RALGDS: variants seen among roughly 807,000 people sequenced by gnomAD.
RALGDS encodes ral guanine nucleotide dissociation stimulator, also known as ral guanine nucleotide exchange factor.
Under a neutral mutation model 99.8 loss-of-function variants are expected in RALGDS, and 44 were observed. The observed-to-expected ratio is 0.44, with a 90% CI of 0.35 to 0.57. The LOEUF (loss-of-function observed/expected upper bound fraction) is 0.57, where lower values mean the gene tolerates loss of function less well. Among genes scored for constraint, RALGDS ranks in the 20% least tolerant of loss-of-function variants. The pLI is 0.01. For synonymous variants in RALGDS, 529 were observed against 505.0 expected, an observed-to-expected ratio of 1.05 and a Z score of -0.64; for missense variants, 1,022 against 1,203.1, an observed-to-expected ratio of 0.85 and a Z score of 2.23.
At chr9:133,110,035 G>T (rs1831266760) in intron 3 of RALGDS, among the ~76,000 whole-genome samples, 1 of 152,144 alleles carries the variant, frequency 6.6e-6, no homozygotes, top group South Asian at 2.1e-4. Context: ...TCCCCATGGG[G>T]GACAGGAAAA....
intron 1 of RALGDS, among the ~76,000 whole-genome samples, chr9:133,129,681 G>A (rs747248189): frequency 2.6e-5 from 4 of 152,168 alleles, no homozygotes; most frequent in Non-Finnish European, 5.9e-5. Context: ...GCCACCAGGC[G>A]GATGTGAGTC....
intron 1 of RALGDS, among the ~76,000 whole-genome samples, chr9:133,137,401 T>C (rs1425805300): frequency 6.6e-6 from 1 of 152,192 alleles, no homozygotes; most frequent in Non-Finnish European, 1.5e-5. Flanking sequence ...ACAAGTGAGC[T>C]CGATGGGCCA....
rs1431589918 is a variant in RALGDS at position 133,098,685 on chromosome 9, G to A, written c.2647C>T (p.Arg883Trp). ...TANYDFVLKK[R>W]TFTKGVKVKH... is the part of the protein sequence containing the mutation. ...ACCTTCACTCCCTTGGTGAAGGTCC[G>A]CTTCTTGAGGACAAAGTCATAGTTG... Residue 883 changes from arginine to tryptophan, a missense_variant, in exon 18 of 18, where the codon CGG becomes TGG. Arg to Trp is a moderately radical substitution (Grantham distance 101). Around this residue, in one of 3 missense-constraint regions of RALGDS, gnomAD observed 825 missense variants for 994.5 expected, o/e 0.83. Coordinates refer to ENST00000372050, the MANE Select transcript of RALGDS (RefSeq NM_006266.4). 9 of 1,614,044 alleles carry A rather than the reference G, an allele frequency of 5.6e-6. No individual in the cohort carries two copies. Among genetic ancestry groups the A allele is most frequent in the Non-Finnish European group, 6.8e-6 (8 of 1,179,928 alleles).
intron 1 of RALGDS, among the ~76,000 whole-genome samples, chr9:133,139,338 C>T (rs1832480543): frequency 6.6e-6 from 1 of 152,224 alleles, no homozygotes; most frequent in South Asian, 2.1e-4. Flanking sequence ...TCCCCGACCC[C>T]AGAAGCTGGG....
intron 17 of RALGDS, chr9:133,100,031 C>T (rs1430949001): frequency 5.1e-6 from 3 of 588,608 alleles, no homozygotes; most frequent in African/African-American, 1.9e-5. Context: ...TCTCTTTGCT[C>T]CTCACTGATG....
intron 1 of RALGDS, among the ~76,000 whole-genome samples, chr9:133,147,996 C>T (rs896782485): frequency 6.6e-6 from 1 of 152,324 alleles, no homozygotes; most frequent in Admixed American, 6.5e-5. Context: ...TCTTGTCCCA[C>T]AAGAGTTGTC....
chr9:133,107,202 G>A lies in RALGDS; in HGVS notation c.1296C>T (p.Ala432=), dbSNP rs1273435043. The part of the protein sequence containing the change: ...GKEHLAPTIR[A]TVTQFNSVAN... ...CCACACTGTTGAACTGGGTGACAGT[G>A]GCGCGGATGGTGGGCGCCAGGTGCT... The change falls in exon 7 of 18, where the codon GCC becomes GCT. Residue 432 remains alanine, a synonymous_variant. Coordinates refer to ENST00000372050, the MANE Select transcript of RALGDS (RefSeq NM_006266.4). 5 of 1,613,756 alleles carry A rather than the reference G, an allele frequency of 3.1e-6. No homozygotes were observed. In the Admixed American group the frequency reaches 5.0e-5, roughly 16 times the overall value.
intron 8 of RALGDS, among the ~76,000 whole-genome samples, 196 bp from the exon 9 acceptor site, chr9:133,106,212 C>G (rs1292206537): frequency 6.6e-6 from 1 of 151,874 alleles, no homozygotes; most frequent in Non-Finnish European, 1.5e-5. Context: ...TTCCCGTTTC[C>G]ACTGAGCAGC....
chr9:133,134,293 C>A (rs141431796), upstream of RALGDS, among the ~76,000 whole-genome samples: 45 of 152,354 alleles, frequency 3.0e-4, 1 homozygote, highest in East Asian at 8.5e-3. Flanking sequence ...TGTCACTGTG[C>A]AGCCCAGAGG....
At chr9:133,109,411 C>T (rs1831229180) in intron 4 of RALGDS, among the ~76,000 whole-genome samples, 1 of 152,176 alleles carries the variant, frequency 6.6e-6, no homozygotes, top group African/African-American at 2.4e-5. Flanking sequence ...CGGGGGCTGC[C>T]CCGAGCCCCA....
At chr9:133,132,240 A>G (rs1340692278), upstream of RALGDS, among the ~76,000 whole-genome samples, 1 of 152,208 alleles carries the variant, frequency 6.6e-6, no homozygotes, top group African/African-American at 2.4e-5. Flanking sequence ...CGAAGAGGTC[A>G]CTGTCTGGGT....
At chr9:133,123,086 AG>A (rs1276264361), upstream of RALGDS, among the ~76,000 whole-genome samples, 13 of 152,076 alleles carry the variant, frequency 8.5e-5, no homozygotes, top group Non-Finnish European at 1.9e-4. Context: ...GAAGCCTCCA[AG>A]CCGTTTGGCC....
At position 133,144,375 on chromosome 9, in the gene RALGDS, ACCT is replaced by A. The variant is rs1334438373; in HGVS notation, c.18+4585_18+4587del. Among the ~76,000 whole-genome samples, 3 of 148,510 alleles carry A rather than the reference ACCT, an allele frequency of 2.0e-5. No homozygotes were observed. Among genetic ancestry groups the A allele is most frequent in the Admixed American group, 2.0e-4 (3 of 14,998 alleles). ...CATGGTCCTCCTCGCCACCCCTGTC[ACCT>A]CCTCCTCCGCCCCCCGCCGGCCTCC... On this transcript the variant is annotated intron_variant, in intron 1 of 17. Transcript: ENST00000393160. This position sits in a 1 kb window ranked among gnomAD's most constrained non-coding sequence, Gnocchi z 4.5.
intron 1 of RALGDS, among the ~76,000 whole-genome samples, chr9:133,138,153 G>A (rs917073526): frequency 5.3e-5 from 8 of 152,330 alleles, no homozygotes; most frequent in Admixed American, 5.2e-4. Context: ...GAGGGCACAG[G>A]GCCTTGGCTG....
intron 9 of RALGDS, 112 bp from the exon 10 acceptor site, chr9:133,104,443 C>T: frequency 2.0e-6 from 2 of 986,218 alleles, no homozygotes; most frequent in Non-Finnish European, 1.6e-6. Flanking sequence ...TGTATCAATA[C>T]TCACTAGTGT....
Position 133,108,191 on chromosome 9 carries a change from C to G in RALGDS, c.994G>C (p.Ala332Pro). 2 of 1,613,532 alleles carry G rather than the reference C, an allele frequency of 1.2e-6. No individual in the cohort carries two copies. Among genetic ancestry groups the G allele is most frequent in the Non-Finnish European group, 1.7e-6 (2 of 1,179,998 alleles). The change falls in exon 6 of 18, where the codon GCT becomes CCT. Residue 332 changes from alanine to proline, a missense_variant. Transcript: ENST00000372050. ...TCTGGAGCTGGCTCTAGTTCCAGAGCTGGCGCTGGAGCCGATTCTAGTCCC... is the reference window on the plus strand; with the variant it reads ...TCTGGAGCTGGCTCTAGTTCCAGAGGTGGCGCTGGAGCCGATTCTAGTCCC... ...AVGLESAPAP[A>P]LELEPAPEQD...
intron 8 of RALGDS, among the ~76,000 whole-genome samples, chr9:133,106,419 A>T (rs1413563371): frequency 8.5e-5 from 13 of 152,128 alleles, no homozygotes; most frequent in Non-Finnish European, 1.9e-4. Context: ...CAATTGGATG[A>T]GGGTTCTGTG....
intron 1 of RALGDS, among the ~76,000 whole-genome samples, chr9:133,117,809 C>T (rs1283499869): frequency 6.6e-6 from 1 of 152,252 alleles, no homozygotes; most frequent in Non-Finnish European, 1.5e-5. Context: ...GGGAACCAGT[C>T]CTTGACTGCC....
intron 17 of RALGDS, 115 bp downstream of exon 17, chr9:133,100,153 A>G (rs1361847672): frequency 2.1e-6 from 2 of 965,918 alleles, no homozygotes; most frequent in Admixed American, 1.7e-5. Flanking sequence ...CCCTGTCCAC[A>G]GTGTCTACCC....
Sources: gnomAD v4.1 joint callset for allele counts (sites outside exome capture counted in the v4.1 genomes callset) on GRCh38, gnomAD v4.1.1 for gene constraint, gnomAD v4.1.1 regional missense constraint, Gnocchi (gnomAD v3.1) non-coding constraint, MANE v1.5 for transcripts, NCBI Gene and HGNC (gene_info 2026-07-23, HGNC 2026-07-21) for gene names.